Variants in SNX27 observed in about 807,000 individuals in gnomAD.
SNX27 encodes sorting nexin 27.
In SNX27, 22 loss-of-function variants were observed where a neutral mutation model predicts 71.6. That is an observed-to-expected ratio of 0.31 (90% CI 0.22 to 0.44). The LOEUF is 0.44. Among genes scored for constraint, SNX27 ranks in the 20% least tolerant of loss-of-function variants. The pLI is 1.00. For missense variants in SNX27, 531 were observed against 698.6 expected (o/e 0.76, Z 2.70); for synonymous variants, 269 against 277.2 (o/e 0.97, Z 0.29).
chr1:151,622,654 C>T (rs1406705034), intron 1 of SNX27, among the ~76,000 whole-genome samples: 1 of 152,150 alleles, frequency 6.6e-6, no homozygotes, highest in Non-Finnish European at 1.5e-5. Flanking sequence ...AGCTCTCAAA[C>T]ACTGAGTTGG....
chr1:151,694,314 T>C lies in SNX27; in HGVS notation c.1579-56T>C. On this transcript the variant is annotated intron_variant, in intron 11 of 11. Transcript: ENST00000458013. ...TTTTTAGCTTCTGTTTGTGGAGTTG[T>C]CTCCAGATAAGAGGAGATGTGCCTT... is the stretch of plus-strand genomic sequence containing the variant. 1.9e-6 allele frequency: 3 copies of C among 1,545,838 alleles called. No homozygotes were observed. In the South Asian group the frequency reaches 3.6e-5, roughly 18 times the overall value.
At chr1:151,634,210 T>A (rs1050579284) in intron 1 of SNX27, among the ~76,000 whole-genome samples, 2 of 152,196 alleles carry the variant, frequency 1.3e-5, no homozygotes, top group Non-Finnish European at 2.9e-5. Flanking sequence ...AAAATTGAAA[T>A]GTATGTCTTA....
Position 151,692,959 on chromosome 1 carries a change from G to C in SNX27, c.1438G>C (p.Asp480His), listed in dbSNP as rs145045028. 1.7e-4 allele frequency: 274 copies of C among 1,614,084 alleles called. No homozygotes were observed. Among genetic ancestry groups the C allele is most frequent in the Non-Finnish European group, 2.2e-4 (258 of 1,180,050 alleles). ...EWDEMQRWDT[D>H]EEGMAFCFEY... is the part of the protein sequence containing the mutation. Reference sequence around the variant, plus strand: ...GGATGAGATGCAGCGATGGGACACAGATGAAGAAGGGATGGCCTTCTGTTT... The same window carrying C: ...GGATGAGATGCAGCGATGGGACACACATGAAGAAGGGATGGCCTTCTGTTT... Residue 480 changes from aspartate (D) to histidine (H), a missense_variant, in exon 10 of 12, where the codon GAT becomes CAT. Transcript: ENST00000458013.
chr1:151,612,346 T>C lies in SNX27; in HGVS notation c.145T>C (p.Ser49Pro). 1 of 1,546,778 alleles carries C rather than the reference T, an allele frequency of 6.5e-7. No homozygotes were observed. Among genetic ancestry groups the C allele is most frequent in the Admixed American group, 2.0e-5 (1 of 49,578 alleles). The change falls in exon 1 of 12, where the codon TCC becomes CCC. Residue 49 changes from serine to proline, a missense_variant. Transcript: ENST00000458013. This position sits in a 1 kb window ranked among gnomAD's most constrained non-coding sequence, Gnocchi z 5.2. ...GGPRVVRIVKSESGYGFNVRG... is the reference protein window; with the variant it reads ...GGPRVVRIVKPESGYGFNVRG... ...CCCGCGGGTCGTGCGCATCGTCAAG[T>C]CCGAGTCCGGCTACGGCTTCAACGT...
chr1:151,680,758 A>G (rs1459732872), intron 7 of SNX27, among the ~76,000 whole-genome samples: 1 of 152,242 alleles, frequency 6.6e-6, no homozygotes, highest in Non-Finnish European at 1.5e-5. Context: ...GAAACTGGAT[A>G]GACCAGTATT....
intron 2 of SNX27, among the ~76,000 whole-genome samples, chr1:151,641,598 G>GATATATATATATC (rs1553257787): frequency 2.5e-5 from 2 of 79,014 alleles, no homozygotes; most frequent in East Asian, 1.0e-3. Context: ...TCCTTTATCA[G>GATATATATATATC]ATATATATAT....
chr1:151,624,437 T>G (rs1449356597), intron 1 of SNX27, among the ~76,000 whole-genome samples: 2 of 135,322 alleles, frequency 1.5e-5, no homozygotes, highest in South Asian at 4.8e-4. Context: ...ATATATGTAT[T>G]TTTTTTTTTT....
intron 1 of SNX27, among the ~76,000 whole-genome samples, chr1:151,620,161 T>C (rs1667607683): frequency 6.6e-6 from 1 of 152,206 alleles, no homozygotes; most frequent in Non-Finnish European, 1.5e-5. Flanking sequence ...CTGTAGACAT[T>C]TGTGATGATA....
At chr1:151,661,298 A>G (rs1191228594) in intron 4 of SNX27, 1 of 165,184 alleles carries the variant, frequency 6.1e-6, no homozygotes, top group African/African-American at 2.4e-5. Context: ...AGCATGTTGT[A>G]GGTGCTTAAT....
intron 11 of SNX27, chr1:151,693,919 G>A (rs1671581666): frequency 7.3e-7 from 1 of 1,365,212 alleles, no homozygotes; most frequent in South Asian, 1.8e-5. Context: ...TTGCTTTACT[G>A]CTGTCTGTAT....
intron 2 of SNX27, among the ~76,000 whole-genome samples, chr1:151,656,882 T>C (rs963690941): frequency 1.3e-5 from 2 of 152,218 alleles, no homozygotes; most frequent in East Asian, 3.8e-4. Flanking sequence ...ATCATTCATC[T>C]TGATACTCTA....
chr1:151,693,866 C>G, intron 11 of SNX27: 1 of 1,410,504 alleles, frequency 7.1e-7, no homozygotes, highest in Non-Finnish European at 9.2e-7. Flanking sequence ...GGCAGTCTTT[C>G]TAGGCGAACC....
Position 151,696,537 on chromosome 1 carries a change from CTTTCTTTCTCTT to C in SNX27, c.*2122_*2133del, listed in dbSNP as rs2102753097. The stretch of plus-strand genomic sequence containing the variant: ...TCGTTCTTTCGTTCTTTCTTTCTTT[CTTTCTTTCTCTT>C]TCTTTCTTTTGCTTTCCTTCTTTCA... On this transcript the variant is annotated 3_prime_UTR_variant, in exon 12 of 12. Coordinates refer to ENST00000458013, the MANE Select transcript of SNX27 (RefSeq NM_001330723.2). 2.7e-5 allele frequency: 4 copies of C among 146,564 alleles called. No individual in the cohort carries two copies. Among genetic ancestry groups the C allele is most frequent in the African/African-American group, 7.6e-5 (3 of 39,294 alleles). The allele number at this position is 146,564 out of a possible 1,614,324, so 9.1% of individuals were successfully genotyped here. A position where few individuals can be genotyped will look rare whatever the true frequency, so the allele number is the denominator to read the frequency against.
At chr1:151,686,096 C>T (rs1387183045) in intron 8 of SNX27, among the ~76,000 whole-genome samples, 1 of 152,210 alleles carries the variant, frequency 6.6e-6, no homozygotes, top group African/African-American at 2.4e-5. Flanking sequence ...AATCCTTTGC[C>T]TTTGCTAAAG....
Position 151,612,129 on chromosome 1 carries a change from C to T in SNX27, c.-73C>T. The T allele has an allele frequency of 1.6e-6, 2 of 1,269,360 alleles. No homozygotes were observed. Among genetic ancestry groups the T allele is most frequent in the Non-Finnish European group, 2.0e-6 (2 of 1,004,262 alleles). The allele number at this position is 1,269,360 out of a possible 1,614,324, so 78.6% of individuals were successfully genotyped here. A position where few individuals can be genotyped will look rare whatever the true frequency, so the allele number is the denominator to read the frequency against. On this transcript the variant is annotated 5_prime_UTR_variant, in exon 1 of 12. Coordinates refer to ENST00000458013, the MANE Select transcript of SNX27 (RefSeq NM_001330723.2). The surrounding 1 kb of genome is among the most constrained non-coding windows in gnomAD (Gnocchi z 5.2). ...GCGCGCGTCGGGGGTCGTCCGGCTG[C>T]CAGGCAGGGCGAGCACGCGCCGGGA...
chr1:151,642,107 G>A (rs1353489173), intron 2 of SNX27, among the ~76,000 whole-genome samples: 1 of 151,464 alleles, frequency 6.6e-6, no homozygotes, highest in Non-Finnish European at 1.5e-5. Flanking sequence ...AGTGGTTCAT[G>A]CCTGTAATCC....
chr1:151,624,428 TATATGTA>T (rs1227276381), intron 1 of SNX27, among the ~76,000 whole-genome samples: 32 of 145,456 alleles, frequency 2.2e-4, no homozygotes, highest in African/African-American at 8.0e-4. Flanking sequence ...TATATATATA[TATATGTA>T]TTTTTTTTTT....
chr1:151,655,737 G>A (rs1413575507), intron 2 of SNX27, among the ~76,000 whole-genome samples: 1 of 152,140 alleles, frequency 6.6e-6, no homozygotes, highest in East Asian at 1.9e-4. Flanking sequence ...TGTATTTAAT[G>A]GGAGGTTAAT....
rs942390950 is a variant in SNX27 at position 151,697,064 on chromosome 1, T to A, written c.*2647T>A. 7.2e-5 allele frequency: 11 copies of A among 152,256 alleles called. No homozygotes were observed. Among genetic ancestry groups the A allele is most frequent in the Non-Finnish European group, 1.6e-4 (11 of 68,022 alleles). The allele number at this position is 152,256 out of a possible 1,614,324, so 9.4% of individuals were successfully genotyped here. On this transcript the variant is annotated 3_prime_UTR_variant, in exon 12 of 12. Transcript: ENST00000458013. ...TCACCTTCTCCAAATCTAGGTGAAA[T>A]CACAGAGTACAAAACGTGAGAATGC...
Sources: gnomAD v4.1 joint callset for allele counts (sites outside exome capture counted in the v4.1 genomes callset) on GRCh38, gnomAD v4.1.1 for gene constraint, Gnocchi (gnomAD v3.1) non-coding constraint, MANE v1.5 for transcripts, NCBI Gene and HGNC (gene_info 2026-07-23, HGNC 2026-07-21) for gene names.